The following CRYBG1 variants were observed in gnomAD, a reference collection of about 807,000 sequenced individuals.
CRYBG1 encodes the protein beta/gamma crystallin domain-containing protein 1.
A neutral mutation model predicts 189.2 loss-of-function variants in CRYBG1; 139 were observed. That is an observed-to-expected ratio of 0.73 (90% CI 0.64 to 0.85). CRYBG1 has a LOEUF of 0.85. Among genes scored for constraint, CRYBG1 ranks in the 40% least tolerant of loss-of-function variants. The pLI is 0.00. For missense variants in CRYBG1, 2,611 were observed against 2,675.8 expected, an observed-to-expected ratio of 0.98 and a Z score of 0.53; for synonymous variants, 1,023 against 1,017.1, an observed-to-expected ratio of 1.01 and a Z score of -0.11.
chr6:106,458,959 T>G (rs1771945887), intron 2 of CRYBG1, among the ~76,000 whole-genome samples: 1 of 152,218 alleles, frequency 6.6e-6, no homozygotes, highest in South Asian at 2.1e-4. Flanking sequence ...TGGAGGACGT[T>G]GCTTTGGTAT....
intron 14 of CRYBG1, 49 bp downstream of exon 14, chr6:106,552,027 TC>T (rs1355085340): frequency 6.5e-7 from 1 of 1,531,446 alleles, no homozygotes; most frequent in East Asian, 2.3e-5. Context: ...ATTCTGGATT[TC>T]CTTAATGTGT....
intron 4 of CRYBG1, among the ~76,000 whole-genome samples, chr6:106,522,583 G>A (rs1209151220): frequency 6.6e-6 from 1 of 152,182 alleles, no homozygotes; most frequent in Non-Finnish European, 1.5e-5. Context: ...AGAGGAAGGT[G>A]GAATATATGT....
intron 1 of CRYBG1, among the ~76,000 whole-genome samples, chr6:106,369,733 C>A (rs1222877578): frequency 6.6e-6 from 1 of 152,194 alleles, no homozygotes; most frequent in Non-Finnish European, 1.5e-5. Context: ...TTGAGAGATG[C>A]AGTTTATTCA....
In CRYBG1 at chr6:106,399,634, G is replaced by C. The variant is rs111650767; in HGVS notation, c.173+38553G>C. Among the ~76,000 whole-genome samples, 20 of 150,078 alleles carry C rather than the reference G, an allele frequency of 1.3e-4. No individual in the cohort carries two copies. In the East Asian group the frequency reaches 3.8e-3, roughly 29 times the overall value. ...TAACTTCAGTCTGGGTTTTCCGATCGGTCCTTTTTTTTAGTTTTTCTTTCT... is the reference window on the plus strand; with the variant it reads ...TAACTTCAGTCTGGGTTTTCCGATCCGTCCTTTTTTTTAGTTTTTCTTTCT... On this transcript the variant is annotated intron_variant, in intron 1 of 21. Transcript: ENST00000633556.
In CRYBG1 at chr6:106,512,831, C is replaced by G; in HGVS notation, c.1714C>G (p.Pro572Ala). 3 of 1,578,474 alleles carry G rather than the reference C, an allele frequency of 1.9e-6. No individual in the cohort carries two copies. Among genetic ancestry groups the G allele is most frequent in the African/African-American group, 1.3e-5 (1 of 74,284 alleles). Residue 572 changes from proline to alanine, a missense_variant, in exon 3 of 22, where the codon CCG becomes GCG. This residue lies in a region of CRYBG1 where 985 missense variants were observed against 924.4 expected (regional missense o/e 1.07). Coordinates refer to ENST00000633556, the MANE Select transcript of CRYBG1 (RefSeq NM_001371242.2). ...GGCGCGGGCCATCCCCCGCGAGCTC[C>G]CGGTCAAGAGCAGCTCGCTGCTGCC... ...EAARAIPREL[P>A]VKSSSLLPEI...
At chr6:106,556,620 A>C (rs1161741037) in intron 17 of CRYBG1, among the ~76,000 whole-genome samples, 2 of 152,248 alleles carry the variant, frequency 1.3e-5, no homozygotes, top group African/African-American at 4.8e-5. Context: ...AATAGAACAA[A>C]ACTGCAAGAT....
chr6:106,517,979 G>GT (rs1446348599), intron 3 of CRYBG1, among the ~76,000 whole-genome samples: 1 of 152,190 alleles, frequency 6.6e-6, no homozygotes, highest in East Asian at 1.9e-4. Flanking sequence ...AAAACCAACA[G>GT]TTGCATAATT....
rs1771850379 is a variant in CRYBG1 at position 106,360,787 on chromosome 6, G to C, written c.-122G>C. On this transcript the variant is annotated 5_prime_UTR_variant, in exon 1 of 22. Transcript: ENST00000633556. The stretch of plus-strand genomic sequence containing the variant: ...CGTCCCCCCGCATCCGCGACGAGGG[G>C]GCGGGGTCCCACGGCGCGCTGAGAA... 2.5e-6 allele frequency: 3 copies of C among 1,201,986 alleles called. No homozygotes were observed. Among genetic ancestry groups the C allele is most frequent in the Non-Finnish European group, 3.3e-6 (3 of 902,144 alleles). 74.5% of individuals were successfully genotyped at this position (1,201,986 alleles called of 1,614,324 possible). A position where few individuals can be genotyped will look rare whatever the true frequency, so the allele number is the denominator to read the frequency against.
In CRYBG1 at chr6:106,520,905, A is replaced by G. The variant is rs771003350; in HGVS notation, c.3697A>G (p.Lys1233Glu). The G allele has an allele frequency of 1.2e-6, 2 of 1,614,082 alleles. No individual in the cohort carries two copies. Among genetic ancestry groups the G allele is most frequent in the Non-Finnish European group, 1.7e-6 (2 of 1,180,048 alleles). ...CAGGGACGTCACAAATGGTGGCATT[A>G]AGAGATCGAGACTAGAAAAAAGTGC... ...ENRDVTNGGI[K>E]RSRLEKSALF... The change falls in exon 4 of 22, where the codon AAG (lysine) becomes GAG (glutamate). Residue 1233 changes from lysine to glutamate, a missense_variant. Transcript: ENST00000633556.
At chr6:106,484,504 G>C (rs772979511) in intron 2 of CRYBG1, among the ~76,000 whole-genome samples, 8 of 152,058 alleles carry the variant, frequency 5.3e-5, no homozygotes, top group African/African-American at 1.7e-4. Context: ...CTTTTTTGTA[G>C]AGACAGGGTC....
rs571360000 is a variant in CRYBG1, at chr6:106,518,488, T to C, written c.1923-643T>C. Among the ~76,000 whole-genome samples the C allele has an allele frequency of 3.9e-5, 6 of 152,340 alleles. No homozygotes were observed. In the South Asian group the frequency reaches 1.2e-3, roughly 32 times the overall value. ...CTAATGTTGTTCAGGCCTTAAGATG[T>C]CTTCCAACTCTAGTGCCAAGCACTG... On this transcript the variant is annotated intron_variant, in intron 3 of 21. Transcript: ENST00000633556.
intron 1 of CRYBG1, among the ~76,000 whole-genome samples, chr6:106,449,831 C>T (rs1771742095): frequency 1.3e-5 from 2 of 152,094 alleles, no homozygotes; most frequent in Admixed American, 1.3e-4. Flanking sequence ...ACAAGTATTA[C>T]TTTCATAGTA....
intron 1 of CRYBG1, among the ~76,000 whole-genome samples, chr6:106,409,705 T>C (rs569620900): frequency 1.3e-5 from 2 of 152,160 alleles, no homozygotes; most frequent in East Asian, 3.9e-4. Flanking sequence ...AACAGAAGCC[T>C]CAGAAATAAC....
intron 1 of CRYBG1, among the ~76,000 whole-genome samples, chr6:106,404,788 C>T (rs984402895): frequency 2.0e-5 from 3 of 152,080 alleles, no homozygotes; most frequent in African/African-American, 4.8e-5. Flanking sequence ...GGTTGGGGAA[C>T]GCCCTCCCCA....
At position 106,511,442 on chromosome 6, in the gene CRYBG1, C is replaced by A; in HGVS notation, c.325C>A (p.Pro109Thr). The A allele has an allele frequency of 6.5e-7, 1 of 1,535,252 alleles. No homozygotes were observed. The highest frequency in any genetic ancestry group is 1.2e-5 in the South Asian group (1 of 84,008). Residue 109 changes from proline (P) to threonine (T), a missense_variant, in exon 3 of 22, where the codon CCT (proline) becomes ACT (threonine). Around this residue, in one of 3 missense-constraint regions of CRYBG1, gnomAD observed 985 missense variants for 924.4 expected, o/e 1.07. Coordinates refer to ENST00000633556, the MANE Select transcript of CRYBG1 (RefSeq NM_001371242.2). ...SGIFKKSRAQ[P>T]PEDNRRKPVL... ...TTTTATTTTTCAGTCCAGAGCACAA[C>A]CTCCAGAAGACAACAGAAGGAAGCC...
Position 106,530,177 on chromosome 6 carries a change from A to G in CRYBG1, c.4580A>G (p.Asp1527Gly). The stretch of plus-strand genomic sequence containing the variant: ...ATCTATGCATCTATATTTTTTCAGG[A>G]TTACAGAGTTAGTCACATTGACTTA... ...VIGSIRHVVQ[D>G]YRVSHIDLFT... The change falls in exon 8 of 22, where the codon GAT becomes GGT. Residue 1527 changes from aspartate to glycine, a missense_variant and splice_region_variant. By Grantham distance (94) the Asp-to-Gly change is moderately conservative (BLOSUM62 -1). This residue lies in a region of CRYBG1 where 1,622 missense variants were observed against 1,735.0 expected (regional missense o/e 0.93). Coordinates refer to ENST00000633556, the MANE Select transcript of CRYBG1 (RefSeq NM_001371242.2). 1 of 1,609,140 alleles carries G rather than the reference A, an allele frequency of 6.2e-7. No homozygotes were observed. The highest frequency in any genetic ancestry group is 8.5e-7 in the Non-Finnish European group (1 of 1,177,598).
At chr6:106,457,599 G>A (rs1170884358) in intron 2 of CRYBG1, among the ~76,000 whole-genome samples, 1 of 152,110 alleles carries the variant, frequency 6.6e-6, no homozygotes, top group Non-Finnish European at 1.5e-5. Context: ...CACTTCTATT[G>A]GGATGTCATT....
rs1009997549 is a variant in CRYBG1 at position 106,558,579 on chromosome 6, C to G, written c.5809C>G (p.Leu1937Val). 9 of 1,613,594 alleles carry G rather than the reference C, an allele frequency of 5.6e-6. No individual in the cohort carries two copies. The African/African-American group carries it at 8.0e-5, about 14-fold the overall frequency. The change falls in exon 18 of 22, where the codon CTG (leucine) becomes GTG (valine). Residue 1937 changes from leucine (L) to valine (V), a missense_variant. Transcript: ENST00000633556. ...TGCAGAAACTGTCAATCTCCGATCCCTGGGATTCAACACACAAATACGCTC... is the reference window on the plus strand; with the variant it reads ...TGCAGAAACTGTCAATCTCCGATCCGTGGGATTCAACACACAAATACGCTC... Reference protein sequence around the residue: ...LNAETVNLRSLGFNTQIRSVQ... With the variant: ...LNAETVNLRSVGFNTQIRSVQ...
chr6:106,446,649 G>C (rs1771669460), intron 1 of CRYBG1, among the ~76,000 whole-genome samples: 1 of 152,178 alleles, frequency 6.6e-6, no homozygotes, highest in Admixed American at 6.6e-5. Context: ...ACTTGGTGGT[G>C]TAGACCAACA....
Sources: allele counts gnomAD v4.1 joint callset (sites outside exome capture counted in the v4.1 genomes callset), GRCh38; gene constraint gnomAD v4.1.1; regional missense constraint gnomAD v4.1.1; transcripts MANE v1.5; gene names NCBI Gene and HGNC (gene_info 2026-07-23, HGNC 2026-07-21).